MTA3: variants seen among roughly 807,000 people sequenced by gnomAD.
MTA3 encodes the protein metastasis-associated protein MTA3.
MTA3 carries 34 observed loss-of-function variants against 83.5 expected under a neutral mutation model. The observed-to-expected ratio is 0.41, with a 90% CI of 0.31 to 0.54. The LOEUF (loss-of-function observed/expected upper bound fraction) is 0.54. MTA3 is among the 20% of genes least tolerant of loss of function. The probability of loss-of-function intolerance (pLI) is 0.33; values close to 1 mark genes in which losing one functional copy is unlikely to be tolerated. For synonymous variants in MTA3, 303 were observed against 252.7 expected (o/e 1.20, Z -1.89); for missense variants, 761 against 726.4 (o/e 1.05, Z -0.55).
chr2:42,550,908 G>A (rs1677075864), intron 2 of MTA3, among the ~76,000 whole-genome samples: 1 of 151,852 alleles, frequency 6.6e-6, no homozygotes, highest in East Asian at 1.9e-4. Context: ...CGGGCATGGT[G>A]GTGCACACCT....
At chr2:42,745,434 A>G (rs1379881998) in intron 16 of MTA3, among the ~76,000 whole-genome samples, 1 of 152,056 alleles carries the variant, frequency 6.6e-6, no homozygotes, top group African/African-American at 2.4e-5. Context: ...TATTGTTTGG[A>G]CCTCCTGGAC....
intron 3 of MTA3, among the ~76,000 whole-genome samples, chr2:42,608,862 C>T (rs772236959): frequency 6.6e-6 from 1 of 151,686 alleles, no homozygotes; most frequent in Non-Finnish European, 1.5e-5. Flanking sequence ...CCAGCCTGGG[C>T]GACAGAGCAA....
At chr2:42,751,859 C>T (rs987906655) in intron 16 of MTA3, among the ~76,000 whole-genome samples, 4 of 152,158 alleles carry the variant, frequency 2.6e-5, no homozygotes, top group East Asian at 1.9e-4. Context: ...TCCTAGGAGA[C>T]GCTGACACTT....
intron 4 of MTA3, among the ~76,000 whole-genome samples, chr2:42,639,132 C>T (rs1360217991): frequency 2.0e-5 from 3 of 150,676 alleles, no homozygotes; most frequent in Non-Finnish European, 4.4e-5. Context: ...ACGATCTCGG[C>T]TCACTGCAAC....
chr2:42,524,472 G>GTTTT (rs58288129), intron 2 of MTA3, among the ~76,000 whole-genome samples: 52 of 70,660 alleles, frequency 7.4e-4, no homozygotes, highest in African/African-American at 1.7e-3. Context: ...GGCTAGTTGT[G>GTTTT]TTTTTTTTTT....
intron 16 of MTA3, among the ~76,000 whole-genome samples, chr2:42,738,104 A>C (rs1033884395): frequency 2.0e-5 from 3 of 152,196 alleles, no homozygotes; most frequent in Middle Eastern, 3.2e-3. Context: ...CCTACAAAAA[A>C]TACAAAAATT....
chr2:42,589,563 GT>G (rs1352250418), intron 3 of MTA3, among the ~76,000 whole-genome samples: 2 of 151,854 alleles, frequency 1.3e-5, no homozygotes, highest in Non-Finnish European at 2.9e-5. Context: ...TTGGATTTTT[GT>G]TTTTTTGAGA....
intron 2 of MTA3, among the ~76,000 whole-genome samples, chr2:42,556,665 C>T (rs993593129): frequency 6.6e-6 from 1 of 152,162 alleles, no homozygotes; most frequent in African/African-American, 2.4e-5. Context: ...GCCCTGCAAC[C>T]TTCAGCCAGA....
At chr2:42,724,277 AACACACACACACACACACACACAC>A (rs34379999) in intron 16 of MTA3, among the ~76,000 whole-genome samples, 1 of 73,150 alleles carries the variant, frequency 1.4e-5, no homozygotes, top group African/African-American at 6.1e-5. Context: ...AGTCCTGAAA[AACACACACACACACACACACACAC>A]ACACACACAC....
intron 4 of MTA3, among the ~76,000 whole-genome samples, chr2:42,631,682 G>T (rs889732575): frequency 6.6e-6 from 1 of 152,066 alleles, no homozygotes; most frequent in Non-Finnish European, 1.5e-5. Context: ...TAGTTATTTT[G>T]TATTATTATT....
intron 9 of MTA3, 82 bp downstream of exon 9, chr2:42,682,671 A>ATTT: frequency 7.9e-7 from 1 of 1,273,462 alleles, no homozygotes; most frequent in Non-Finnish European, 1.1e-6. Flanking sequence ...TACAGTATTC[A>ATTT]TTTAGCAAGT....
intron 4 of MTA3, among the ~76,000 whole-genome samples, chr2:42,622,255 A>C (rs1685643593): frequency 6.6e-6 from 1 of 152,028 alleles, no homozygotes; most frequent in Non-Finnish European, 1.5e-5. Flanking sequence ...AAAATACGAA[A>C]ACCAGTCAGG....
intron 16 of MTA3, among the ~76,000 whole-genome samples, chr2:42,727,314 C>A (rs1363437338): frequency 1.3e-5 from 2 of 152,192 alleles, no homozygotes; most frequent in Non-Finnish European, 2.9e-5. Flanking sequence ...CTGCACAGTG[C>A]CTTGCCAGTC....
At chr2:42,603,197 T>C (rs143905419) in intron 3 of MTA3, among the ~76,000 whole-genome samples, 13 of 151,804 alleles carry the variant, frequency 8.6e-5, no homozygotes, top group Admixed American at 1.3e-4. Context: ...GTTAGATGTA[T>C]AAGCCGTGAA....
chr2:42,502,769 C>T (rs1394756991), intron 2 of MTA3, among the ~76,000 whole-genome samples: 3 of 123,742 alleles, frequency 2.4e-5, no homozygotes, highest in Admixed American at 1.8e-4. Context: ...TGCACTCCAG[C>T]CTGGGCAACA....
chr2:42,756,174 A>G lies in MTA3; in HGVS notation c.*2775A>G. On this transcript the variant is annotated 3_prime_UTR_variant, in exon 17 of 17. Coordinates refer to ENST00000405094, the MANE Select transcript of MTA3 (RefSeq NM_001330442.2). Reference sequence around the variant, plus strand: ...CCCATCCTGAGACTGGCTGGGCACCAGGGGAGGACGCGTCACCAGAGCCTG... The same window carrying G: ...CCCATCCTGAGACTGGCTGGGCACCGGGGGAGGACGCGTCACCAGAGCCTG... The G allele has an allele frequency of 3.1e-6, 1 of 321,192 alleles. No individual in the cohort carries two copies. Among genetic ancestry groups the G allele is most frequent in the Non-Finnish European group, 4.5e-6 (1 of 222,564 alleles). 19.9% of individuals were successfully genotyped at this position (321,192 alleles called of 1,614,324 possible).
At chr2:42,624,314 T>C (rs1324321925) in intron 4 of MTA3, among the ~76,000 whole-genome samples, 2 of 152,094 alleles carry the variant, frequency 1.3e-5, no homozygotes, top group Non-Finnish European at 2.9e-5. Flanking sequence ...ACTTTAATTT[T>C]TAATTTTTTA....
chr2:42,752,760 T>C (rs1486950810), intron 16 of MTA3, among the ~76,000 whole-genome samples: 1 of 152,176 alleles, frequency 6.6e-6, no homozygotes, highest in Non-Finnish European at 1.5e-5. Flanking sequence ...AAAAGTTCCA[T>C]GAGTCTCTTC....
At chr2:42,501,100 G>A (rs567752000) in intron 2 of MTA3, among the ~76,000 whole-genome samples, 20 of 152,206 alleles carry the variant, frequency 1.3e-4, no homozygotes, top group South Asian at 4.2e-4. Flanking sequence ...ATGAGCCACC[G>A]CGCGTGACCT....
Sources: gnomAD v4.1 joint callset for allele counts (sites outside exome capture counted in the v4.1 genomes callset) on GRCh38, gnomAD v4.1.1 for gene constraint, MANE v1.5 for transcripts, NCBI Gene and HGNC (gene_info 2026-07-23, HGNC 2026-07-21) for gene names.